The following COL25A1 variants were observed in gnomAD, a reference collection of about 807,000 sequenced individuals.
COL25A1 encodes the protein collagen type XXV alpha 1 chain.
COL25A1 carries 103 observed loss-of-function variants against 128.4 expected under a neutral mutation model. The observed-to-expected ratio is 0.80, with a 90% confidence interval of 0.68 to 0.94. The LOEUF is 0.94. COL25A1 is among the 40% of genes least tolerant of loss of function. The pLI is 0.00. For synonymous variants in COL25A1, 279 were observed against 277.2 expected (o/e 1.01, Z -0.06); for missense variants, 745 against 840.0 (o/e 0.89, Z 1.40).
chr4:108,871,212 G>A (rs1047095667), intron 19 of COL25A1, among the ~76,000 whole-genome samples: 1 of 152,134 alleles, frequency 6.6e-6, no homozygotes, highest in African/African-American at 2.4e-5. Flanking sequence ...AGCATCGATA[G>A]TTCTTTGAAA....
intron 19 of COL25A1, among the ~76,000 whole-genome samples, chr4:108,875,702 T>C (rs1739364446): frequency 6.6e-6 from 1 of 152,162 alleles, no homozygotes; most frequent in African/African-American, 2.4e-5. Flanking sequence ...CACAGCAATC[T>C]CATTACTGGG....
chr4:108,810,700 A>G lies in COL25A1; in HGVS notation c.*3227T>C, dbSNP rs1422412726. 1 of 152,020 alleles carries G rather than the reference A, an allele frequency of 6.6e-6. No homozygotes were observed. Among genetic ancestry groups the G allele is most frequent in the Non-Finnish European group, 1.5e-5 (1 of 67,872 alleles). The allele number at this position is 152,020 out of a possible 1,614,324, so 9.4% of individuals were successfully genotyped here. ...AAGGCATATGATGTATGAAATGAAT[A>G]TGAAATAGGAGGATCCATGATCCGA... On this transcript the variant is annotated 3_prime_UTR_variant, in exon 38 of 38. Coordinates refer to ENST00000399132, the MANE Select transcript of COL25A1 (RefSeq NM_198721.4).
chr4:109,072,699 C>A (rs765131116), intron 3 of COL25A1, among the ~76,000 whole-genome samples: 1 of 152,170 alleles, frequency 6.6e-6, no homozygotes, highest in Admixed American at 6.5e-5. Flanking sequence ...CTTTCTGAAA[C>A]CTTTTGAAGG....
At chr4:108,855,049 C>T (rs1736312874) in intron 24 of COL25A1, among the ~76,000 whole-genome samples, 1 of 152,068 alleles carries the variant, frequency 6.6e-6, no homozygotes, top group African/African-American at 2.4e-5. Flanking sequence ...TATGAAATCA[C>T]AGAGGGGAGA....
intron 31 of COL25A1, among the ~76,000 whole-genome samples, chr4:108,833,826 G>T (rs1733450965): frequency 6.6e-6 from 1 of 152,068 alleles, no homozygotes; most frequent in Non-Finnish European, 1.5e-5. Context: ...TTAAGAGCTG[G>T]AGCTGTTAAG....
rs57643656 is a variant in COL25A1, at chr4:109,265,518, CGTGTGTGTGTGTGT to C, written c.367+35051_367+35064del. Among the ~76,000 whole-genome samples, 530 of 129,698 alleles carry C rather than the reference CGTGTGTGTGTGTGT, an allele frequency of 4.1e-3. 4 individuals carry two copies. The highest frequency in any genetic ancestry group is 0.028 in the South Asian group (103 of 3,688). 85.1% of individuals were successfully genotyped at this position (129,698 alleles called of 152,430 possible). A position where few individuals can be genotyped will look rare whatever the true frequency, so the allele number is the denominator to read the frequency against. Reference sequence around the variant, plus strand: ...GTGTTTTCTTACAGTAATAACAGTACGTGTGTGTGTGTGTGTGTGTGTGTGTGTGTGTGTGTGTG... The same window carrying C: ...GTGTTTTCTTACAGTAATAACAGTACGTGTGTGTGTGTGTGTGTGTGTGTG... On this transcript the variant is annotated intron_variant, in intron 3 of 37. Transcript: ENST00000399132.
chr4:109,126,916 TA>T lies in COL25A1; in HGVS notation c.368-76738del, dbSNP rs1004794893. On this transcript the variant is annotated intron_variant, in intron 3 of 37. Transcript: ENST00000399132. ...AAAACTTAAAGTATAATAATAAAAT[TA>T]AAAAAAAAAAGAAACGTCTCTCTTT... is the stretch of plus-strand genomic sequence containing the variant. 1.0e-3 allele frequency among the ~76,000 whole-genome samples: 151 copies of T among 144,120 alleles called. 1 individual carries two copies. The highest frequency in any genetic ancestry group is 3.5e-3 in the East Asian group (17 of 4,834). The allele number at this position is 144,120 out of a possible 152,430, so 94.5% of individuals were successfully genotyped here. A position where few individuals can be genotyped will look rare whatever the true frequency, so the allele number is the denominator to read the frequency against.
intron 5 of COL25A1, among the ~76,000 whole-genome samples, chr4:109,011,895 G>C (rs572657576): frequency 6.6e-6 from 1 of 152,310 alleles, no homozygotes; most frequent in Admixed American, 6.5e-5. Context: ...GGACCAGTAG[G>C]CATTCCTACC....
At position 108,809,331 on chromosome 4, in the gene COL25A1, T is replaced by C. The variant is rs1730619160; in HGVS notation, c.*4596A>G. 1 of 152,112 alleles carries C rather than the reference T, an allele frequency of 6.6e-6. No homozygotes were observed. The highest frequency in any genetic ancestry group is 1.5e-5 in the Non-Finnish European group (1 of 67,968). 9.4% of individuals were successfully genotyped at this position (152,112 alleles called of 1,614,324 possible). ...TAAAGAAAAATCAGATACATACATC[T>C]TTTAAAATGTTATTAAGTTGAATGA... On this transcript the variant is annotated 3_prime_UTR_variant, in exon 38 of 38. Transcript: ENST00000399132.
chr4:109,254,227 C>T (rs958132072), intron 3 of COL25A1, among the ~76,000 whole-genome samples: 2 of 151,438 alleles, frequency 1.3e-5, no homozygotes, highest in African/African-American at 4.8e-5. Flanking sequence ...TAATCACTAA[C>T]ATAATTAAAT....
intron 3 of COL25A1, among the ~76,000 whole-genome samples, chr4:109,180,089 C>T (rs1482422331): frequency 6.6e-6 from 1 of 152,060 alleles, no homozygotes; most frequent in Non-Finnish European, 1.5e-5. Context: ...AGAGTGAAGC[C>T]TTCATTTTAA....
chr4:108,936,788 A>T (rs1245190390), intron 11 of COL25A1, among the ~76,000 whole-genome samples: 1 of 124,042 alleles, frequency 8.1e-6, no homozygotes, highest in African/African-American at 2.8e-5. Context: ...ACTAGGACCT[A>T]CCTGTTTCTT....
chr4:108,833,163 C>T (rs1444424516), intron 31 of COL25A1, among the ~76,000 whole-genome samples: 1 of 152,092 alleles, frequency 6.6e-6, no homozygotes, highest in Non-Finnish European at 1.5e-5. Context: ...AACTGTTACA[C>T]AAGTAGAAGA....
intron 11 of COL25A1, among the ~76,000 whole-genome samples, chr4:108,925,247 A>G (rs1745909629): frequency 6.6e-6 from 1 of 152,196 alleles, no homozygotes; most frequent in East Asian, 1.9e-4. Flanking sequence ...ATGTAGTAAG[A>G]CAGTAAACAA....
intron 13 of COL25A1, among the ~76,000 whole-genome samples, chr4:108,904,352 C>T (rs1324129160): frequency 6.6e-6 from 1 of 152,018 alleles, no homozygotes; most frequent in Non-Finnish European, 1.5e-5. Flanking sequence ...TAGGTGGCAT[C>T]TAATTGAGTT....
At chr4:109,167,491 A>G (rs1773184135) in intron 3 of COL25A1, among the ~76,000 whole-genome samples, 2 of 152,270 alleles carry the variant, frequency 1.3e-5, no homozygotes. Flanking sequence ...TGTGCCAGGC[A>G]TTGTTCTTAA....
chr4:109,262,669 C>T (rs1223109569), intron 3 of COL25A1, among the ~76,000 whole-genome samples: 1 of 152,116 alleles, frequency 6.6e-6, no homozygotes, highest in Non-Finnish European at 1.5e-5. Context: ...ATCCACTTTG[C>T]AAAATGCATA....
intron 3 of COL25A1, among the ~76,000 whole-genome samples, chr4:109,131,118 G>A (rs1205865680): frequency 2.6e-5 from 4 of 152,026 alleles, no homozygotes; most frequent in Non-Finnish European, 5.9e-5. Context: ...ATATGACAAA[G>A]AACTCTAAAG....
At position 108,825,196 on chromosome 4, in the gene COL25A1, A is replaced by G; in HGVS notation, c.1791T>C (p.Asp597=). The G allele has an allele frequency of 6.2e-7, 1 of 1,610,002 alleles. No homozygotes were observed. The part of the protein sequence containing the change: ...LPGKDGEPGL[D]GFPGPRGEKG... ...GATGTTTATTGTACTTATTACTTAC[A>G]TCAAGACCAGGCTCTCCATCTTTCC... Residue 597 remains aspartate (D), a splice_region_variant and synonymous_variant, in exon 34 of 38, where the codon GAT becomes GAC. Coordinates refer to ENST00000399132, the MANE Select transcript of COL25A1 (RefSeq NM_198721.4).
Sources: allele counts gnomAD v4.1 joint callset (sites outside exome capture counted in the v4.1 genomes callset), GRCh38; gene constraint gnomAD v4.1.1; transcripts MANE v1.5; gene names NCBI Gene and HGNC (gene_info 2026-07-23, HGNC 2026-07-21).